The following STX8 variants were observed in gnomAD, a reference collection of about 807,000 sequenced individuals.
STX8 encodes the protein syntaxin 8.
In STX8, 23 loss-of-function variants were observed where a neutral mutation model predicts 37.5. The observed-to-expected ratio is 0.61, with a 90% CI of 0.44 to 0.87. STX8 has a LOEUF of 0.87. STX8 is among the 40% of genes least tolerant of loss of function. The probability of loss-of-function intolerance (pLI) is 0.00; values close to 1 mark genes in which losing one functional copy is unlikely to be tolerated. For synonymous variants in STX8, 115 were observed against 99.1 expected (o/e 1.16, Z -0.95); for missense variants, 313 against 284.7 (o/e 1.10, Z -0.71).
chr17:9,435,340 G>C (rs1326696631), intron 6 of STX8, among the ~76,000 whole-genome samples: 3 of 152,176 alleles, frequency 2.0e-5, no homozygotes, highest in African/African-American at 7.2e-5. Flanking sequence ...CAGGAGATTA[G>C]GATAAGCATT....
intron 7 of STX8, among the ~76,000 whole-genome samples, chr17:9,286,614 G>A (rs1444943849): frequency 3.3e-5 from 5 of 151,698 alleles, no homozygotes; most frequent in Non-Finnish European, 1.5e-5. Context: ...ACTCTAAGCT[G>A]GCTACAGCAG....
chr17:9,391,905 G>C (rs1482844205), intron 6 of STX8, among the ~76,000 whole-genome samples: 1 of 152,118 alleles, frequency 6.6e-6, no homozygotes, highest in Non-Finnish European at 1.5e-5. Flanking sequence ...ATGAAGTCCT[G>C]GATTCTCCTT....
chr17:9,398,890 A>T (rs1388595201), intron 6 of STX8, among the ~76,000 whole-genome samples: 1 of 152,080 alleles, frequency 6.6e-6, no homozygotes, highest in East Asian at 1.9e-4. Flanking sequence ...CTCTACTAAA[A>T]GTACAAATAT....
rs572831186 is a variant in STX8 at position 9,527,594 on chromosome 17, CAGG to C, written c.323+17575_323+17577del. Among the ~76,000 whole-genome samples, 918 of 152,112 alleles carry C rather than the reference CAGG, an allele frequency of 6.0e-3. 8 individuals carry two copies. The highest frequency in any genetic ancestry group is 9.9e-3 in the Non-Finnish European group (672 of 68,006). ...TTTAAAGACTTAAAATTAATACATG[CAGG>C]GGCAAAGAATGTTTTTATTTTCCAT... On this transcript the variant is annotated intron_variant, in intron 4 of 7. Transcript: ENST00000306357.
intron 6 of STX8, among the ~76,000 whole-genome samples, chr17:9,454,657 G>A (rs1194905737): frequency 6.9e-6 from 1 of 145,504 alleles, no homozygotes; most frequent in Admixed American, 7.0e-5. Context: ...TCCAGCCTGG[G>A]CGACAGAGCG....
chr17:9,354,151 C>T (rs1391424179), intron 7 of STX8, among the ~76,000 whole-genome samples: 1 of 152,094 alleles, frequency 6.6e-6, no homozygotes, highest in African/African-American at 2.4e-5. Flanking sequence ...TTGTACTCCA[C>T]CTCTTCAATC....
At chr17:9,384,047 T>C (rs1368005944) in intron 6 of STX8, among the ~76,000 whole-genome samples, 1 of 152,160 alleles carries the variant, frequency 6.6e-6, no homozygotes, top group Non-Finnish European at 1.5e-5. Context: ...TTCTCCATCA[T>C]AGCTGTACTA....
chr17:9,389,207 T>G (rs923799083), intron 6 of STX8, among the ~76,000 whole-genome samples: 7 of 152,258 alleles, frequency 4.6e-5, no homozygotes, highest in Non-Finnish European at 1.0e-4. Context: ...GAAGATTTCC[T>G]AGGCCAGAGA....
At chr17:9,414,783 C>CTT (rs10552538) in intron 6 of STX8, among the ~76,000 whole-genome samples, 318 of 57,438 alleles carry the variant, frequency 5.5e-3, no homozygotes, top group African/African-American at 9.0e-3. Flanking sequence ...CTGAGTTCTG[C>CTT]TTTTTTTTTT....
intron 6 of STX8, among the ~76,000 whole-genome samples, chr17:9,449,024 A>G (rs529866028): frequency 1.3e-5 from 2 of 152,306 alleles, no homozygotes; most frequent in East Asian, 1.9e-4. Context: ...ATAAGGTGCA[A>G]CTGAAACTCT....
chr17:9,331,893 AT>A (rs1300370657), intron 7 of STX8, among the ~76,000 whole-genome samples: 1 of 152,232 alleles, frequency 6.6e-6, no homozygotes, highest in Non-Finnish European at 1.5e-5. Context: ...GAAAAAAAAA[AT>A]TAAAAGGGAA....
intron 7 of STX8, among the ~76,000 whole-genome samples, chr17:9,306,305 T>C (rs1171895562): frequency 6.6e-6 from 1 of 152,092 alleles, no homozygotes; most frequent in Non-Finnish European, 1.5e-5. Context: ...CACACCCCTG[T>C]TGTTAAGCGA....
At chr17:9,327,238 G>C (rs2142212518) in intron 7 of STX8, among the ~76,000 whole-genome samples, 1 of 140,340 alleles carries the variant, frequency 7.1e-6, no homozygotes, top group East Asian at 2.0e-4. Context: ...GAGGAAGGAG[G>C]ACAGAGGAGG....
chr17:9,298,951 T>G (rs1177183984), intron 7 of STX8, among the ~76,000 whole-genome samples: 1 of 152,180 alleles, frequency 6.6e-6, no homozygotes, highest in Non-Finnish European at 1.5e-5. Context: ...AACAAGATGC[T>G]TGAGGGGAAT....
chr17:9,430,318 A>G (rs1913911729), intron 6 of STX8, among the ~76,000 whole-genome samples: 1 of 147,986 alleles, frequency 6.8e-6, no homozygotes, highest in Admixed American at 7.1e-5. Context: ...CCACTTATCT[A>G]TTTCCAAAAC....
At chr17:9,420,895 C>T (rs1042030232) in intron 6 of STX8, among the ~76,000 whole-genome samples, 5 of 152,302 alleles carry the variant, frequency 3.3e-5, no homozygotes, top group African/African-American at 9.6e-5. Flanking sequence ...GCAACATTTA[C>T]GTGCATGTGC....
chr17:9,382,168 C>T (rs898205980), intron 6 of STX8, among the ~76,000 whole-genome samples: 1 of 134,704 alleles, frequency 7.4e-6, no homozygotes, highest in South Asian at 2.2e-4. Context: ...ACCAAGAAAA[C>T]ACTCACACAC....
chr17:9,468,530 T>C (rs1238827823), intron 6 of STX8, among the ~76,000 whole-genome samples: 1 of 152,242 alleles, frequency 6.6e-6, no homozygotes, highest in Non-Finnish European at 1.5e-5. Context: ...GGTGATTTAA[T>C]ACTCCATACC....
intron 6 of STX8, among the ~76,000 whole-genome samples, chr17:9,463,047 G>A (rs1905462140): frequency 6.6e-6 from 1 of 152,174 alleles, no homozygotes; most frequent in Non-Finnish European, 1.5e-5. Flanking sequence ...GAGCTCCCTG[G>A]TCTTCTAAGA....
Sources: gnomAD v4.1 joint callset for allele counts (sites outside exome capture counted in the v4.1 genomes callset) on GRCh38, gnomAD v4.1.1 for gene constraint, MANE v1.5 for transcripts, NCBI Gene and HGNC (gene_info 2026-07-23, HGNC 2026-07-21) for gene names.